Variants in COL4A3 observed in about 807,000 individuals in gnomAD.
COL4A3 encodes collagen alpha-3(IV) chain.
In COL4A3, 135 loss-of-function variants were observed where a neutral mutation model predicts 217.4. The observed-to-expected ratio is 0.62, with a 90% confidence interval of 0.54 to 0.72. The LOEUF (loss-of-function observed/expected upper bound fraction) is 0.72, where lower values mean the gene tolerates loss of function less well. COL4A3 is among the 30% of genes least tolerant of loss of function. The pLI, the probability that COL4A3 is intolerant of heterozygous loss-of-function variation, is 0.00. For missense variants in COL4A3, 1,868 were observed against 2,119.9 expected (o/e 0.88, Z 2.33); for synonymous variants, 690 against 736.3 (o/e 0.94, Z 1.02).
At chr2:227,171,179 C>A (rs927605030) in intron 1 of COL4A3, among the ~76,000 whole-genome samples, 7 of 152,222 alleles carry the variant, frequency 4.6e-5, no homozygotes, top group African/African-American at 1.7e-4. Flanking sequence ...CAGCCACAAT[C>A]CCCTTTCTTT....
chr2:227,203,251 G>A (rs1343304780), intron 1 of COL4A3, among the ~76,000 whole-genome samples: 1 of 32,844 alleles, frequency 3.0e-5, no homozygotes, highest in Non-Finnish European at 6.0e-5. Flanking sequence ...ATACATATAT[G>A]TATATATACA....
intron 16 of COL4A3, 89 bp from the exon 17 acceptor site, chr2:227,256,254 G>C (rs774077898): frequency 5.6e-6 from 7 of 1,252,002 alleles, no homozygotes; most frequent in Non-Finnish European, 8.2e-6. Flanking sequence ...ACATTCTTTT[G>C]TTTCAGAGGA....
intron 6 of COL4A3, chr2:227,246,321 G>C (rs772624804): frequency 3.2e-4 from 161 of 509,154 alleles, no homozygotes; most frequent in Non-Finnish European, 5.4e-4. Context: ...TTTGGGGAAG[G>C]AATGACTGAG....
In COL4A3 at chr2:227,273,065, T is replaced by A. The variant is rs748004604; in HGVS notation, c.1875T>A (p.Gly625=). The A allele has an allele frequency of 1.2e-6, 2 of 1,614,042 alleles. No homozygotes were observed. Among genetic ancestry groups the A allele is most frequent in the Non-Finnish European group, 1.7e-6 (2 of 1,180,006 alleles). The change falls in exon 26 of 52, where the codon GGT becomes GGA. Residue 625 remains glycine, a synonymous_variant. Transcript: ENST00000396578. ...GCTACGGACCCCAAGGAGAACCTGG[T>A]CTCCAGGGCACGCAAGGAGTTCCTG... ...PPGYGPQGEP[G]LQGTQGVPGA... is the part of the protein sequence containing the mutation.
chr2:227,255,984 A>G (rs781372667), intron 15 of COL4A3, 42 bp from the exon 16 acceptor site: 2 of 1,595,066 alleles, frequency 1.3e-6, no homozygotes, highest in Non-Finnish European at 8.6e-7. Flanking sequence ...AAAGTTAGCC[A>G]TATTTATTAC....
At chr2:227,256,816 C>A (rs1201880354) in intron 17 of COL4A3, among the ~76,000 whole-genome samples, 1 of 152,174 alleles carries the variant, frequency 6.6e-6, no homozygotes, top group African/African-American at 2.4e-5. Flanking sequence ...CAATATGTTA[C>A]AAATATTTTC....
At position 227,253,342 on chromosome 2, in the gene COL4A3, T is replaced by C. The variant is rs762645585; in HGVS notation, c.687+5T>C. 2 of 1,613,622 alleles carry C rather than the reference T, an allele frequency of 1.2e-6. No individual in the cohort carries two copies. Among genetic ancestry groups the C allele is most frequent in the Non-Finnish European group, 1.7e-6 (2 of 1,179,542 alleles). ...ATAGGACATAAAGGAGAGCGGGTAA[T>C]TTAAATACTATGTTTTATTAGCAGG... is the stretch of plus-strand genomic sequence containing the variant. On this transcript the variant is annotated splice_donor_5th_base_variant and intron_variant, in intron 12 of 51. Transcript: ENST00000396578. This position sits in a 1 kb window ranked among gnomAD's most constrained non-coding sequence, Gnocchi z 4.4.
intron 1 of COL4A3, among the ~76,000 whole-genome samples, chr2:227,178,788 G>T (rs535399745): frequency 2.9e-4 from 44 of 151,982 alleles, no homozygotes; most frequent in African/African-American, 1.0e-3. Flanking sequence ...AACCTCAGGT[G>T]ACACACCCAC....
At chr2:227,205,710 A>ATTTTT (rs398105402) in intron 1 of COL4A3, among the ~76,000 whole-genome samples, 2,228 of 149,642 alleles carry the variant, frequency 0.015, 37 homozygotes, top group African/African-American at 0.047. Flanking sequence ...TTCAACAAAT[A>ATTTTT]TTTTTTTTTT....
intron 26 of COL4A3, among the ~76,000 whole-genome samples, chr2:227,275,693 T>G (rs1280766090): frequency 2.0e-5 from 3 of 152,192 alleles, no homozygotes; most frequent in Admixed American, 1.3e-4. Flanking sequence ...TAGGCATTCT[T>G]TCCCCCGCGA....
At chr2:227,223,248 C>T (rs2067909069) in intron 1 of COL4A3, among the ~76,000 whole-genome samples, 1 of 152,104 alleles carries the variant, frequency 6.6e-6, no homozygotes, top group African/African-American at 2.4e-5. Context: ...AGTATGGTTA[C>T]TAAAGACTTC....
chr2:227,265,110 T>C (rs961321589), intron 21 of COL4A3: 3 of 152,260 alleles, frequency 2.0e-5, no homozygotes, highest in Non-Finnish European at 4.4e-5. Context: ...TTTGGCTGTT[T>C]AAGCCCAGTA....
intron 1 of COL4A3, among the ~76,000 whole-genome samples, chr2:227,218,501 T>C (rs1297827915): frequency 1.3e-5 from 2 of 152,054 alleles, no homozygotes; most frequent in Admixed American, 6.6e-5. Context: ...GTGAAAATAC[T>C]GCATTTTTTA....
chr2:227,288,387 G>A (rs1248000390), intron 34 of COL4A3, among the ~76,000 whole-genome samples: 1 of 152,122 alleles, frequency 6.6e-6, no homozygotes. Context: ...GTGAGCCACT[G>A]CACCTGGCCC....
chr2:227,251,169 G>C lies in COL4A3; in HGVS notation c.576G>C (p.Gly192=). Residue 192 remains glycine, a synonymous_variant, in exon 10 of 52, where the codon GGG becomes GGC. Coordinates refer to ENST00000396578, the MANE Select transcript of COL4A3 (RefSeq NM_000091.5). Reference sequence around the variant, plus strand: ...TGCCAGGCCCTCCAGGTTTTCCTGGGCCTGTTGGCCCACCTGGTCCTCCGG... The same window carrying C: ...TGCCAGGCCCTCCAGGTTTTCCTGGCCCTGTTGGCCCACCTGGTCCTCCGG... The part of the protein sequence containing the change: ...QGLPGPPGFP[G]PVGPPGPPGF... 6.2e-7 allele frequency: 1 copy of C among 1,613,870 alleles called. No individual in the cohort carries two copies. Among genetic ancestry groups the C allele is most frequent in the Non-Finnish European group, 8.5e-7 (1 of 1,179,798 alleles).
intron 1 of COL4A3, among the ~76,000 whole-genome samples, chr2:227,181,723 T>A (rs1011813475): frequency 6.6e-6 from 1 of 152,212 alleles, no homozygotes; most frequent in African/African-American, 2.4e-5. Context: ...AATGAATGCA[T>A]AATATTTGAT....
rs1482987456 is a variant in COL4A3 at position 227,304,987 on chromosome 2, C to T, written c.4156C>T (p.Pro1386Ser). Residue 1386 changes from proline to serine, a missense_variant and splice_region_variant, in exon 47 of 52, where the codon CCC becomes TCC. This residue lies in a region of COL4A3 where 1,503 missense variants were observed against 1,786.1 expected (regional missense o/e 0.84). Coordinates refer to ENST00000396578, the MANE Select transcript of COL4A3 (RefSeq NM_000091.5). Reference sequence around the variant, plus strand: ...ATACAATGTTGGTTTTTGCCTAGGACCCTGTGGGCCAAGAGGTAAGCCAGG... The same window carrying T: ...ATACAATGTTGGTTTTTGCCTAGGATCCTGTGGGCCAAGAGGTAAGCCAGG... ...GPPGPPGNLGPCGPRGKPGKD... is the reference protein window; with the variant it reads ...GPPGPPGNLGSCGPRGKPGKD... 6.2e-7 allele frequency: 1 copy of T among 1,613,490 alleles called. No homozygotes were observed. The highest frequency in any genetic ancestry group is 1.1e-5 in the South Asian group (1 of 91,000).
At chr2:227,307,638 A>G in intron 47 of COL4A3, 72 bp from the exon 48 acceptor site, 1 of 1,214,068 alleles carries the variant, frequency 8.2e-7, no homozygotes, top group Non-Finnish European at 1.2e-6. Context: ...AAATATATTT[A>G]AATTAGTACT....
chr2:227,298,551 A>G, intron 42 of COL4A3, 131 bp from the exon 43 acceptor site: 2 of 1,328,248 alleles, frequency 1.5e-6, no homozygotes, highest in Non-Finnish European at 1.1e-6. Flanking sequence ...ATCCCATCAC[A>G]TGCTCCAGGG....
Sources: allele counts gnomAD v4.1 joint callset (sites outside exome capture counted in the v4.1 genomes callset), GRCh38; gene constraint gnomAD v4.1.1; regional missense constraint gnomAD v4.1.1; non-coding constraint Gnocchi (gnomAD v3.1); transcripts MANE v1.5; gene names NCBI Gene and HGNC (gene_info 2026-07-23, HGNC 2026-07-21).